PCDHGB1: variants seen among roughly 807,000 people sequenced by gnomAD.
PCDHGB1 encodes the protein protocadherin gamma-B1.
A neutral mutation model predicts 56.6 loss-of-function variants in PCDHGB1; 34 were observed. That is an observed-to-expected ratio of 0.60 (90% CI 0.46 to 0.80). PCDHGB1 has a LOEUF of 0.80. PCDHGB1 is among the 30% of genes least tolerant of loss of function. The probability of loss-of-function intolerance (pLI) is 0.00; values close to 1 mark genes in which losing one functional copy is unlikely to be tolerated. For synonymous variants in PCDHGB1, 561 were observed against 505.9 expected, an observed-to-expected ratio of 1.11 and a Z score of -1.46; for missense variants, 1,278 against 1,204.6, an observed-to-expected ratio of 1.06 and a Z score of -0.90.
chr5:141,475,248 C>T (rs1400887912), intron 1 of PCDHGB1, among the ~76,000 whole-genome samples: 2 of 152,166 alleles, frequency 1.3e-5, no homozygotes, highest in African/African-American at 4.8e-5. Context: ...AGAGTGTGCT[C>T]TACAACTGAG....
intron 1 of PCDHGB1, chr5:141,417,966 C>T: frequency 6.2e-7 from 1 of 1,613,776 alleles, no homozygotes; most frequent in Non-Finnish European, 8.5e-7. Flanking sequence ...ATCCGCTACT[C>T]GATTCCGGAG....
At position 141,432,247 on chromosome 5, in the gene PCDHGB1, C is replaced by G. The variant is rs139910620; in HGVS notation, c.2410-62560C>G. 61 of 1,614,264 alleles carry G rather than the reference C, an allele frequency of 3.8e-5. No homozygotes were observed. The African/African-American group carries it at 6.3e-4, about 17-fold the overall frequency. On this transcript the variant is annotated intron_variant, in intron 1 of 3. Transcript: ENST00000523390. The surrounding 1 kb of genome is among the most constrained non-coding windows in gnomAD (Gnocchi z 6.0). ...CTTATTCCCTGGCTGAGAACACCAT[C>G]CAAGGGGCAAGCCTATCGTCCTACG...
At chr5:141,414,564 C>G in intron 1 of PCDHGB1, 1 of 1,613,948 alleles carries the variant, frequency 6.2e-7, no homozygotes, top group East Asian at 2.2e-5. Context: ...CCTACTTTAC[C>G]TATATCCCAG....
chr5:141,511,351 C>G lies in PCDHGB1; in HGVS notation c.*178C>G, dbSNP rs1190324197. On this transcript the variant is annotated 3_prime_UTR_variant, in exon 4 of 4. Coordinates refer to ENST00000523390, the MANE Select transcript of PCDHGB1 (RefSeq NM_018922.3). The stretch of plus-strand genomic sequence containing the variant: ...CCAGTCAGCACCTACCCCTTCCCCC[C>G]CAGGGGGTTGAATATGCAAAAGCAG... 6 of 1,386,432 alleles carry G rather than the reference C, an allele frequency of 4.3e-6. No individual in the cohort carries two copies. The highest frequency in any genetic ancestry group is 2.9e-5 in the African/African-American group (2 of 68,574). The allele number at this position is 1,386,432 out of a possible 1,614,324, so 85.9% of individuals were successfully genotyped here.
chr5:141,371,913 G>T (rs569737317), intron 1 of PCDHGB1: 1 of 1,613,394 alleles, frequency 6.2e-7, no homozygotes, highest in African/African-American at 1.3e-5. Flanking sequence ...CTACGTGTCC[G>T]TGAGCGCGCG....
intron 1 of PCDHGB1, among the ~76,000 whole-genome samples, chr5:141,462,331 T>C (rs909948238): frequency 6.6e-6 from 1 of 152,244 alleles, no homozygotes; most frequent in African/African-American, 2.4e-5. Context: ...TCTAATTTAA[T>C]TGTATTGTGA....
At chr5:141,386,929 A>G (rs1329848875) in intron 1 of PCDHGB1, among the ~76,000 whole-genome samples, 1 of 152,216 alleles carries the variant, frequency 6.6e-6, no homozygotes, top group Non-Finnish European at 1.5e-5. Context: ...AAATAAGTGC[A>G]GAGGTAGGAA....
At position 141,486,679 on chromosome 5, in the gene PCDHGB1, A is replaced by G. The variant is rs1416879364; in HGVS notation, c.2410-8128A>G. The G allele has an allele frequency of 6.2e-7, 1 of 1,614,092 alleles. No individual in the cohort carries two copies. The highest frequency in any genetic ancestry group is 1.7e-5 in the Admixed American group (1 of 60,026). On this transcript the variant is annotated intron_variant, in intron 1 of 3. Coordinates refer to ENST00000523390, the MANE Select transcript of PCDHGB1 (RefSeq NM_018922.3). The surrounding 1 kb of genome is among the most constrained non-coding windows in gnomAD (Gnocchi z 5.0). Reference sequence around the variant, plus strand: ...TCCTGGAGCCCAGGAATCGAGATGTATCAGCTTCCTCTTTCATCTCTCTGA... The same window carrying G: ...TCCTGGAGCCCAGGAATCGAGATGTGTCAGCTTCCTCTTTCATCTCTCTGA...
rs200545713 is a variant in PCDHGB1 at position 141,422,296 on chromosome 5, A to G, written c.2409+69627A>G. 133 of 1,550,704 alleles carry G rather than the reference A, an allele frequency of 8.6e-5. 1 individual carries two copies. The Admixed American group carries it at 2.1e-3, about 25-fold the overall frequency. ...AACTATCACCTCTTCTATTAATTCAATTCTGGAAAACTCTCCTCCAGGTAC... is the reference window on the plus strand; with the variant it reads ...AACTATCACCTCTTCTATTAATTCAGTTCTGGAAAACTCTCCTCCAGGTAC... On this transcript the variant is annotated intron_variant, in intron 1 of 3. Transcript: ENST00000523390.
intron 1 of PCDHGB1, chr5:141,390,321 C>G: frequency 6.2e-7 from 1 of 1,607,082 alleles, no homozygotes; most frequent in Non-Finnish European, 8.5e-7. Flanking sequence ...TCATTGCCTA[C>G]CCATTTCTCC....
intron 1 of PCDHGB1, among the ~76,000 whole-genome samples, chr5:141,484,795 C>T (rs1265916821): frequency 6.6e-6 from 1 of 151,784 alleles, no homozygotes; most frequent in African/African-American, 2.4e-5. Context: ...AGATAACAAC[C>T]CGTGGAAAAA....
intron 1 of PCDHGB1, chr5:141,389,177 C>G: frequency 1.2e-6 from 2 of 1,614,052 alleles, no homozygotes; most frequent in Non-Finnish European, 1.7e-6. Flanking sequence ...CTCCCCTCTC[C>G]TCCAGTTCCA....
chr5:141,364,565 C>G, intron 1 of PCDHGB1: 1 of 1,614,114 alleles, frequency 6.2e-7, no homozygotes. Context: ...TGCCCTGAAC[C>G]CGCGAAGCGG....
chr5:141,417,185 A>C (rs2096092787), intron 1 of PCDHGB1: 1 of 152,216 alleles, frequency 6.6e-6, no homozygotes, highest in Admixed American at 6.5e-5. Context: ...AGGAATTATT[A>C]CTTTCTGGGT....
intron 1 of PCDHGB1, among the ~76,000 whole-genome samples, chr5:141,407,771 A>G (rs1414886829): frequency 6.6e-6 from 1 of 152,246 alleles, no homozygotes; most frequent in East Asian, 1.9e-4. Context: ...GAAATTGTGC[A>G]TAATAGATTT....
chr5:141,407,971 G>A, intron 1 of PCDHGB1: 2 of 717,762 alleles, frequency 2.8e-6, no homozygotes, highest in South Asian at 2.3e-5. Flanking sequence ...AAGCGCTGAC[G>A]CCGGGGATCC....
At chr5:141,357,830 C>A in intron 1 of PCDHGB1, 1 of 667,688 alleles carries the variant, frequency 1.5e-6, no homozygotes, top group Non-Finnish European at 2.4e-6. Context: ...TTTTGGTCTT[C>A]ATTCAGTTGT....
intron 1 of PCDHGB1, among the ~76,000 whole-genome samples, chr5:141,439,495 C>A (rs142329128): frequency 6.6e-6 from 1 of 152,206 alleles, no homozygotes; most frequent in Non-Finnish European, 1.5e-5. Context: ...CAGTGAGAAA[C>A]GTCTTTCTCT....
intron 2 of PCDHGB1, among the ~76,000 whole-genome samples, chr5:141,498,889 C>T (rs1415870992): frequency 3.4e-5 from 5 of 146,174 alleles, no homozygotes; most frequent in African/African-American, 1.3e-4. Flanking sequence ...GCTGAGATCA[C>T]ACCACTGCAC....
Sources: allele counts gnomAD v4.1 joint callset (sites outside exome capture counted in the v4.1 genomes callset), GRCh38; gene constraint gnomAD v4.1.1; non-coding constraint Gnocchi (gnomAD v3.1); transcripts MANE v1.5; gene names NCBI Gene and HGNC (gene_info 2026-07-23, HGNC 2026-07-21).